TRDN: variants seen among roughly 807,000 people sequenced by gnomAD.
TRDN encodes the protein triadin.
Under a neutral mutation model 149.7 loss-of-function variants are expected in TRDN, and 161 were observed. That is an observed-to-expected ratio of 1.08 (90% confidence interval 0.95 to 1.23). TRDN has a LOEUF of 1.23. Among genes scored for constraint, TRDN ranks in the 50% most tolerant of loss-of-function variants. The pLI, the probability that TRDN is intolerant of heterozygous loss-of-function variation, is 0.00. For missense variants in TRDN, 896 were observed against 823.5 expected (o/e 1.09, Z -1.08); for synonymous variants, 294 against 250.5 (o/e 1.17, Z -1.64).
intron 24 of TRDN, among the ~76,000 whole-genome samples, chr6:123,311,969 C>T (rs1778842766): frequency 6.6e-6 from 1 of 151,850 alleles, no homozygotes; most frequent in African/African-American, 2.4e-5. Context: ...CACACCATGC[C>T]AGAGGAATTA....
chr6:123,415,396 G>A (rs945374278), intron 12 of TRDN, among the ~76,000 whole-genome samples: 1 of 152,162 alleles, frequency 6.6e-6, no homozygotes, highest in Non-Finnish European at 1.5e-5. Context: ...CAAGATCGCT[G>A]TAACGTTAGA....
chr6:123,347,366 A>AT (rs1027305366), intron 21 of TRDN, among the ~76,000 whole-genome samples: 10 of 151,942 alleles, frequency 6.6e-5, no homozygotes, highest in Admixed American at 2.0e-4. Flanking sequence ...CTTCTGCCCC[A>AT]TTTTTTATAG....
At chr6:123,580,788 A>G (rs1783083681) in intron 1 of TRDN, among the ~76,000 whole-genome samples, 1 of 152,148 alleles carries the variant, frequency 6.6e-6, no homozygotes, top group Non-Finnish European at 1.5e-5. Flanking sequence ...CAACCTCTCT[A>G]CTTTGGAACA....
chr6:123,420,974 T>C (rs1420497070), intron 12 of TRDN, among the ~76,000 whole-genome samples: 1 of 152,252 alleles, frequency 6.6e-6, no homozygotes, highest in Non-Finnish European at 1.5e-5. Context: ...TAAAAAGTCA[T>C]CATGACAGAA....
intron 38 of TRDN, among the ~76,000 whole-genome samples, chr6:123,247,512 G>C (rs4391283): frequency 0.045 from 6,774 of 152,074 alleles, 437 homozygotes; most frequent in African/African-American, 0.15. Flanking sequence ...GCTACAAAGA[G>C]AATAAAATAT....
chr6:123,445,946 T>C (rs1410751530), intron 10 of TRDN, among the ~76,000 whole-genome samples: 2 of 142,614 alleles, frequency 1.4e-5, no homozygotes, highest in East Asian at 1.9e-4. Context: ...CGTATGTTTA[T>C]TGCGGCATTA....
chr6:123,304,580 G>A (rs999753496), intron 24 of TRDN, among the ~76,000 whole-genome samples: 3 of 152,082 alleles, frequency 2.0e-5, no homozygotes, highest in Non-Finnish European at 4.4e-5. Flanking sequence ...AGTAAGATAA[G>A]TGATTGCATA....
intron 1 of TRDN, among the ~76,000 whole-genome samples, chr6:123,585,798 G>C (rs555560116): frequency 1.8e-4 from 27 of 152,134 alleles, no homozygotes; most frequent in South Asian, 1.2e-3. Flanking sequence ...TGCCCGCTGT[G>C]GTTCAGGCAT....
chr6:123,534,390 G>A (rs954156687), intron 4 of TRDN, among the ~76,000 whole-genome samples: 4 of 152,040 alleles, frequency 2.6e-5, no homozygotes, highest in Admixed American at 2.6e-4. Context: ...GTTCTCTTTG[G>A]GGACTGGATT....
At chr6:123,235,372 G>A (rs1454496518) in intron 38 of TRDN, among the ~76,000 whole-genome samples, 1 of 152,050 alleles carries the variant, frequency 6.6e-6, no homozygotes, top group Non-Finnish European at 1.5e-5. Flanking sequence ...ACAAGCCAGG[G>A]CTCACTTTCA....
intron 2 of TRDN, among the ~76,000 whole-genome samples, chr6:123,568,996 TA>T (rs1782425189): frequency 6.6e-6 from 1 of 152,364 alleles, no homozygotes; most frequent in African/African-American, 2.4e-5. Context: ...TCCAAATTTT[TA>T]TACTCTGCAT....
chr6:123,413,033 A>C (rs556120065), intron 12 of TRDN, among the ~76,000 whole-genome samples: 2 of 152,276 alleles, frequency 1.3e-5, no homozygotes, highest in South Asian at 4.1e-4. Context: ...ACAATGAAAA[A>C]ATCACATTAA....
At chr6:123,582,157 G>A (rs2114581850) in intron 1 of TRDN, among the ~76,000 whole-genome samples, 1 of 152,290 alleles carries the variant, frequency 6.6e-6, no homozygotes, top group South Asian at 2.1e-4. Context: ...CAGTTCAGAA[G>A]AGTGAGACAA....
chr6:123,412,356 A>G (rs542582940), intron 12 of TRDN, among the ~76,000 whole-genome samples: 145 of 152,362 alleles, frequency 9.5e-4, no homozygotes, highest in African/African-American at 3.3e-3. Flanking sequence ...AAAATTAAAT[A>G]ATTTAAAGTT....
chr6:123,571,691 C>A (rs943889901), intron 1 of TRDN, among the ~76,000 whole-genome samples: 1 of 151,868 alleles, frequency 6.6e-6, no homozygotes, highest in Non-Finnish European at 1.5e-5. Flanking sequence ...CCAGAAATAA[C>A]CACTGTTAAT....
chr6:123,623,410 C>G (rs1785494752), intron 1 of TRDN, among the ~76,000 whole-genome samples: 1 of 152,060 alleles, frequency 6.6e-6, no homozygotes, highest in South Asian at 2.1e-4. Context: ...TTCTTGTTAA[C>G]TGTGGTGTAG....
chr6:123,357,727 AT>A (rs973762677), intron 20 of TRDN, among the ~76,000 whole-genome samples: 28 of 152,134 alleles, frequency 1.8e-4, no homozygotes, highest in Non-Finnish European at 2.9e-4. Context: ...GGAAATACAT[AT>A]TTTTTAGTTA....
At chr6:123,274,535 G>T in intron 27 of TRDN, 106 bp downstream of exon 27, 1 of 958,212 alleles carries the variant, frequency 1.0e-6, no homozygotes, top group Non-Finnish European at 1.5e-6. Context: ...TGAGGAACTT[G>T]GAGACTATGT....
chr6:123,457,192 G>A (rs1776177375), intron 10 of TRDN, among the ~76,000 whole-genome samples: 1 of 152,220 alleles, frequency 6.6e-6, no homozygotes, highest in African/African-American at 2.4e-5. Flanking sequence ...GGAAAGGGCT[G>A]TGAAGCAGGA....
Sources: allele counts gnomAD v4.1 joint callset (sites outside exome capture counted in the v4.1 genomes callset), GRCh38; gene constraint gnomAD v4.1.1; transcripts MANE v1.5; gene names NCBI Gene and HGNC (gene_info 2026-07-23, HGNC 2026-07-21).